Variants in GRIK5 observed in about 807,000 individuals in gnomAD.
GRIK5 encodes glutamate receptor ionotropic, kainate 5.
Under a neutral mutation model 97.4 loss-of-function variants are expected in GRIK5, and 43 were observed. The observed-to-expected ratio is 0.44, with a 90% CI of 0.35 to 0.57. The LOEUF (loss-of-function observed/expected upper bound fraction) is 0.57, where lower values mean the gene tolerates loss of function less well. Ranked by LOEUF, GRIK5 falls within the 20% of genes least tolerant of loss-of-function variation. GRIK5 has a pLI of 0.01. For missense variants in GRIK5, 1,015 were observed against 1,382.0 expected, an observed-to-expected ratio of 0.73 and a Z score of 4.21; for synonymous variants, 580 against 583.5, an observed-to-expected ratio of 0.99 and a Z score of 0.09.
At chr19:42,034,587 A>G (rs879484371) in intron 12 of GRIK5, among the ~76,000 whole-genome samples, 1 of 152,008 alleles carries the variant, frequency 6.6e-6, no homozygotes, top group African/African-American at 2.4e-5. Flanking sequence ...TTTGCTGCGC[A>G]CCAGCTGGGT....
At chr19:42,010,727 G>A (rs1026616163) in intron 15 of GRIK5, among the ~76,000 whole-genome samples, 2 of 152,188 alleles carry the variant, frequency 1.3e-5, no homozygotes, top group African/African-American at 4.8e-5. Flanking sequence ...TGTACCAGAA[G>A]GGGTGAAGGG....
intron 15 of GRIK5, among the ~76,000 whole-genome samples, chr19:42,019,713 C>T (rs1599766789): frequency 6.6e-6 from 1 of 152,282 alleles, no homozygotes; most frequent in African/African-American, 2.4e-5. Context: ...GGATCCTATG[C>T]TGCTGGTTCT....
intron 15 of GRIK5, among the ~76,000 whole-genome samples, chr19:42,019,863 T>C (rs1015210407): frequency 2.6e-5 from 4 of 152,274 alleles, no homozygotes; most frequent in African/African-American, 9.6e-5. Context: ...CATTGAGATC[T>C]ATTTCAGACT....
Position 42,003,412 on chromosome 19 carries a change from T to A in GRIK5, c.2434A>T (p.Ile812Phe). Reference protein sequence around the residue: ...ENIGGIFIVLICGLIIAVFVA... With the variant: ...ENIGGIFIVLFCGLIIAVFVA... The stretch of plus-strand genomic sequence containing the variant: ...AAGACAGCAATGATGAGGCCACAGA[T>A]GAGCACGATAAAAATGCCACCAATG... Residue 812 changes from isoleucine (I) to phenylalanine (F), a missense_variant, in exon 19 of 20, where the codon ATC becomes TTC. Ile to Phe is a conservative substitution (Grantham distance 21). This residue lies in a region of GRIK5 where 229 missense variants were observed against 341.0 expected (regional missense o/e 0.67). Transcript: ENST00000593562. The surrounding 1 kb of genome is among the most constrained non-coding windows in gnomAD (Gnocchi z 4.2). 3.1e-6 allele frequency: 5 copies of A among 1,613,184 alleles called. No individual in the cohort carries two copies. The highest frequency in any genetic ancestry group is 3.4e-6 in the Non-Finnish European group (4 of 1,179,718).
chr19:42,002,254 G>A lies in GRIK5; in HGVS notation c.2514+1078C>T, dbSNP rs1039403770. 8.4e-6 allele frequency: 6 copies of A among 717,554 alleles called. No individual in the cohort carries two copies. Among genetic ancestry groups the A allele is most frequent in the Non-Finnish European group, 1.6e-5 (6 of 385,132 alleles). 44.4% of individuals were successfully genotyped at this position (717,554 alleles called of 1,614,324 possible). On this transcript the variant is annotated intron_variant, in intron 19 of 19. Transcript: ENST00000593562. This position sits in a 1 kb window ranked among gnomAD's most constrained non-coding sequence, Gnocchi z 5.2. ...AGGGAGACCCCCCACTGCTGCCAAG[G>A]CTGTAAAGAGAAGGGAAGAAAGTGG...
intron 15 of GRIK5, among the ~76,000 whole-genome samples, chr19:42,012,687 C>A (rs1320158269): frequency 6.6e-6 from 1 of 151,908 alleles, no homozygotes; most frequent in African/African-American, 2.4e-5. Flanking sequence ...CTAGCCTGGG[C>A]AACATGGCGA....
At chr19:42,038,568 G>GGCCT (rs2075937338) in intron 12 of GRIK5, among the ~76,000 whole-genome samples, 1 of 152,238 alleles carries the variant, frequency 6.6e-6, no homozygotes. Flanking sequence ...CTCAGACAAG[G>GGCCT]GCCTGGCACA....
chr19:42,019,407 T>C (rs1050832801), intron 15 of GRIK5, among the ~76,000 whole-genome samples: 1 of 152,212 alleles, frequency 6.6e-6, no homozygotes, highest in African/African-American at 2.4e-5. Flanking sequence ...TCCTGTTTGG[T>C]TCCTCAATAG....
chr19:41,999,200 G>C lies in GRIK5; in HGVS notation c.2614C>G (p.Arg872Gly). 2 of 1,517,496 alleles carry C rather than the reference G, an allele frequency of 1.3e-6. No individual in the cohort carries two copies. The highest frequency in any genetic ancestry group is 1.8e-6 in the Non-Finnish European group (2 of 1,139,876). 94.0% of individuals were successfully genotyped at this position (1,517,496 alleles called of 1,614,324 possible). A position where few individuals can be genotyped will look rare whatever the true frequency, so the allele number is the denominator to read the frequency against. The change falls in exon 20 of 20, where the codon CGG becomes GGG. Residue 872 changes from arginine to glycine, a missense_variant. Physicochemically the swap from Arg to Gly is moderately radical, Grantham distance 125. Transcript: ENST00000593562. The surrounding 1 kb of genome is among the most constrained non-coding windows in gnomAD (Gnocchi z 5.0). ...ACCGCGCGCAGTGACAGCAGGGCCCGGCTCGGGCCGCCCGGGCGTCGGCGC... is the reference window on the plus strand; with the variant it reads ...ACCGCGCGCAGTGACAGCAGGGCCCCGCTCGGGCCGCCCGGGCGTCGGCGC... ...RRRRRPGGPSRALLSLRAVRE... is the reference protein window; with the variant it reads ...RRRRRPGGPSGALLSLRAVRE...
intron 1 of GRIK5, among the ~76,000 whole-genome samples, chr19:42,068,105 T>A (rs910099696): frequency 1.3e-5 from 2 of 151,566 alleles, no homozygotes; most frequent in African/African-American, 4.9e-5. Context: ...AGACAGTATG[T>A]CGGAGCTGCA....
chr19:42,056,559 G>A, intron 8 of GRIK5, 103 bp downstream of exon 8: 1 of 979,138 alleles, frequency 1.0e-6, no homozygotes, highest in Non-Finnish European at 1.6e-6. Flanking sequence ...GCCTCAGGGA[G>A]GGCGAGAGGG....
chr19:42,064,093 T>C (rs150349217), intron 3 of GRIK5, among the ~76,000 whole-genome samples: 24 of 152,280 alleles, frequency 1.6e-4, no homozygotes, highest in African/African-American at 5.5e-4. Context: ...TTCTCACATG[T>C]ATCCCCTTCT....
At chr19:42,039,284 G>A (rs1263712669) in intron 12 of GRIK5, among the ~76,000 whole-genome samples, 1 of 152,142 alleles carries the variant, frequency 6.6e-6, no homozygotes, top group Non-Finnish European at 1.5e-5. Flanking sequence ...GACCAGCCTG[G>A]CCAACATGGC....
chr19:42,002,621 G>C lies in GRIK5; in HGVS notation c.2514+711C>G. On this transcript the variant is annotated intron_variant, in intron 19 of 19. Coordinates refer to ENST00000593562, the MANE Select transcript of GRIK5 (RefSeq NM_002088.5). This position sits in a 1 kb window ranked among gnomAD's most constrained non-coding sequence, Gnocchi z 5.2. The stretch of plus-strand genomic sequence containing the variant: ...GGGCTGGAGGCTGACAGAGAGAGGG[G>C]AAGCAGGGAACCAGCAGTCCAGGGG... 1.6e-6 allele frequency: 1 copy of C among 626,784 alleles called. No individual in the cohort carries two copies. The highest frequency in any genetic ancestry group is 2.9e-6 in the Non-Finnish European group (1 of 344,244). 38.8% of individuals were successfully genotyped at this position (626,784 alleles called of 1,614,324 possible). A position where few individuals can be genotyped will look rare whatever the true frequency, so the allele number is the denominator to read the frequency against.
intron 1 of GRIK5, among the ~76,000 whole-genome samples, chr19:42,067,944 T>C (rs2076360954): frequency 6.6e-6 from 1 of 151,682 alleles, no homozygotes; most frequent in Non-Finnish European, 1.5e-5. Flanking sequence ...AGGAGAGACA[T>C]CAGCAAAGGT....
At chr19:42,048,712 T>C (rs558914477) in intron 11 of GRIK5, among the ~76,000 whole-genome samples, 2 of 151,830 alleles carry the variant, frequency 1.3e-5, no homozygotes, top group East Asian at 1.9e-4. Context: ...GAAAAAGACA[T>C]GAATAGGAAC....
At chr19:42,039,345 C>T (rs541229423) in intron 12 of GRIK5, among the ~76,000 whole-genome samples, 2 of 152,176 alleles carry the variant, frequency 1.3e-5, no homozygotes, top group East Asian at 1.9e-4. Flanking sequence ...TGGTGGCATG[C>T]GCCTGTAGTC....
Position 42,003,479 on chromosome 19 carries a change from C to T in GRIK5, c.2393-26G>A. The T allele has an allele frequency of 1.3e-6, 2 of 1,573,510 alleles. No homozygotes were observed. The highest frequency in any genetic ancestry group is 2.3e-5 in the South Asian group (2 of 88,590). ...CTGGAGGGCGAAGGGAGTTGGGGGG[C>T]AAAGGGAGTTGGGGCTGTGTGGGAA... On this transcript the variant is annotated intron_variant, in intron 18 of 19. Coordinates refer to ENST00000593562, the MANE Select transcript of GRIK5 (RefSeq NM_002088.5). This position sits in a 1 kb window ranked among gnomAD's most constrained non-coding sequence, Gnocchi z 4.2.
intron 12 of GRIK5, among the ~76,000 whole-genome samples, chr19:42,037,906 A>G (rs1366211541): frequency 6.6e-6 from 1 of 152,188 alleles, no homozygotes; most frequent in Admixed American, 6.5e-5. Flanking sequence ...TTGTGACTGC[A>G]GCGCAGCTCA....
Sources: gnomAD v4.1 joint callset for allele counts (sites outside exome capture counted in the v4.1 genomes callset) on GRCh38, gnomAD v4.1.1 for gene constraint, gnomAD v4.1.1 regional missense constraint, Gnocchi (gnomAD v3.1) non-coding constraint, MANE v1.5 for transcripts, NCBI Gene and HGNC (gene_info 2026-07-23, HGNC 2026-07-21) for gene names.